The following UBE2U variants were observed in gnomAD, a reference collection of about 807,000 sequenced individuals.
The protein encoded by UBE2U is ubiquitin-conjugating enzyme E2 U.
In UBE2U, 39 loss-of-function variants were observed where a neutral mutation model predicts 41.2. The observed-to-expected ratio is 0.95, with a 90% confidence interval of 0.73 to 1.24. The LOEUF (loss-of-function observed/expected upper bound fraction) is 1.24, where lower values mean the gene tolerates loss of function less well. UBE2U is among the 50% of genes most tolerant of loss of function. The probability of loss-of-function intolerance (pLI) is 0.00; values close to 1 mark genes in which losing one functional copy is unlikely to be tolerated. For synonymous variants in UBE2U, 107 were observed against 117.8 expected (o/e 0.91, Z 0.60); for missense variants, 336 against 363.1 (o/e 0.93, Z 0.61).
At chr1:64,239,170 AAGAAGAAGAAGAAG>A (rs1644778403) in intron 7 of UBE2U, among the ~76,000 whole-genome samples, 2 of 91,900 alleles carry the variant, frequency 2.2e-5, no homozygotes, top group South Asian at 8.6e-4. Flanking sequence ...GAAGAAGAAG[AAGAAGAAGAAGAAG>A]AAGAAGAAAG....
At chr1:64,211,980 C>T (rs1651692396) in intron 4 of UBE2U, among the ~76,000 whole-genome samples, 1 of 152,046 alleles carries the variant, frequency 6.6e-6, no homozygotes, top group Non-Finnish European at 1.5e-5. Context: ...ATATAAATTG[C>T]ATTTCTTCTA....
intron 8 of UBE2U, among the ~76,000 whole-genome samples, chr1:64,259,163 G>A (rs746014090): frequency 5.3e-5 from 8 of 152,188 alleles, no homozygotes; most frequent in South Asian, 2.1e-4. Flanking sequence ...ACTTTTTGAC[G>A]GGGTTGTTTG....
At chr1:64,234,394 T>G (rs1489464841) in intron 7 of UBE2U, among the ~76,000 whole-genome samples, 3 of 152,226 alleles carry the variant, frequency 2.0e-5, no homozygotes, top group Non-Finnish European at 4.4e-5. Context: ...ACATTATGAA[T>G]GCTTCCACTC....
rs559493652 is a variant in UBE2U at position 64,228,416 on chromosome 1, T to C, written c.507-4145T>C. Among the ~76,000 whole-genome samples the C allele has an allele frequency of 8.5e-5, 13 of 152,266 alleles. No homozygotes were observed. In the South Asian group the frequency reaches 2.7e-3, roughly 32 times the overall value. On this transcript the variant is annotated intron_variant, in intron 6 of 9. Coordinates refer to ENST00000371077, the MANE Select transcript of UBE2U (RefSeq NM_001366232.2). ...AAATATTTTTACTGGACCCAAACTT[T>C]GATGAGTAAGAGTTTGACAGGCACA...
intron 6 of UBE2U, among the ~76,000 whole-genome samples, chr1:64,223,809 G>A (rs1480269823): frequency 6.6e-6 from 1 of 152,136 alleles, no homozygotes; most frequent in Non-Finnish European, 1.5e-5. Context: ...GCAGAATGGG[G>A]ATTCACTGAT....
chr1:64,253,998 T>C (rs561605472), intron 8 of UBE2U, among the ~76,000 whole-genome samples: 14 of 152,296 alleles, frequency 9.2e-5, no homozygotes, highest in Admixed American at 2.6e-4. Context: ...GACCCATTGG[T>C]ATGCTGTCTT....
intron 6 of UBE2U, 101 bp downstream of exon 6, chr1:64,221,008 T>C: frequency 1.3e-6 from 1 of 760,512 alleles, no homozygotes; most frequent in Non-Finnish European, 2.1e-6. Context: ...TTGTTTTTAA[T>C]TTAGAAACAT....
Position 64,241,638 on chromosome 1 carries a change from T to C in UBE2U, c.596-14T>C. ...ATGTATGTATAGCTTCTTTTTTTAA[T>C]ATTCTAATTTCAGTGCTCAAAGTTC... On this transcript the variant is annotated splice_polypyrimidine_tract_variant and intron_variant, in intron 7 of 9. Transcript: ENST00000371077. The C allele has an allele frequency of 6.4e-7, 1 of 1,573,488 alleles. No homozygotes were observed. The highest frequency in any genetic ancestry group is 8.7e-7 in the Non-Finnish European group (1 of 1,154,924).
chr1:64,228,495 T>C (rs1420021528), intron 6 of UBE2U, among the ~76,000 whole-genome samples: 1 of 152,008 alleles, frequency 6.6e-6, no homozygotes, highest in African/African-American at 2.4e-5. Flanking sequence ...TGTAATACCA[T>C]GGTGTGCTTG....
chr1:64,233,521 C>T (rs1363290127), intron 7 of UBE2U, among the ~76,000 whole-genome samples: 1 of 152,202 alleles, frequency 6.6e-6, no homozygotes, highest in Non-Finnish European at 1.5e-5. Flanking sequence ...GTTTACTTTA[C>T]TTCCTTTACC....
rs1196952735 is a variant in UBE2U at position 64,239,120 on chromosome 1, GAA to G, written c.596-2531_596-2530del. Among the ~76,000 whole-genome samples the G allele has an allele frequency of 0.02, 346 of 17,226 alleles. 1 individual carries two copies. In the East Asian group the frequency reaches 0.2, roughly 10 times the overall value. 11.3% of individuals were successfully genotyped at this position (17,226 alleles called of 152,430 possible). Reference sequence around the variant, plus strand: ...AGAAGAAGAAGAAGAAGAAGAAGAAGAAGAAGAAGAAGAAGAAGAAGAAGAAG... The same window carrying G: ...AGAAGAAGAAGAAGAAGAAGAAGAAGGAAGAAGAAGAAGAAGAAGAAGAAG... On this transcript the variant is annotated intron_variant, in intron 7 of 9. Coordinates refer to ENST00000371077, the MANE Select transcript of UBE2U (RefSeq NM_001366232.2).
intron 4 of UBE2U, among the ~76,000 whole-genome samples, chr1:64,211,426 T>G (rs867035236): frequency 1.1e-4 from 17 of 152,084 alleles, no homozygotes; most frequent in Non-Finnish European, 2.2e-4. Context: ...CTCAGTGTTG[T>G]GCTATTTCTT....
intron 3 of UBE2U, among the ~76,000 whole-genome samples, chr1:64,207,190 G>A (rs1368618557): frequency 1.3e-5 from 2 of 151,734 alleles, no homozygotes; most frequent in South Asian, 2.1e-4. Flanking sequence ...TCTCTCTGTC[G>A]CCCAGGCTGG....
At chr1:64,233,125 A>G (rs1644601720) in intron 7 of UBE2U, among the ~76,000 whole-genome samples, 1 of 151,686 alleles carries the variant, frequency 6.6e-6, no homozygotes, top group Admixed American at 6.6e-5. Flanking sequence ...CTCCTGCCTC[A>G]GCCTCTCGAG....
chr1:64,251,734 C>G (rs886285589), intron 8 of UBE2U, among the ~76,000 whole-genome samples: 2 of 152,134 alleles, frequency 1.3e-5, no homozygotes, highest in African/African-American at 4.8e-5. Context: ...CCTCATGAGC[C>G]CCTGCTACCA....
chr1:64,264,798 A>T (rs1645230415), intron 9 of UBE2U, among the ~76,000 whole-genome samples: 1 of 152,122 alleles, frequency 6.6e-6, no homozygotes, highest in Admixed American at 6.5e-5. Context: ...ACTAAAAAAA[A>T]AATTAGCTGG....
chr1:64,250,614 A>T (rs12727550), intron 8 of UBE2U, among the ~76,000 whole-genome samples: 1 of 151,942 alleles, frequency 6.6e-6, no homozygotes, highest in Non-Finnish European at 1.5e-5. Context: ...ACATGCACAC[A>T]TATGTTTAGT....
intron 7 of UBE2U, among the ~76,000 whole-genome samples, chr1:64,239,157 A>AAAGAAGAAGAAGAAGAAG (rs149062313): frequency 4.3e-4 from 16 of 37,036 alleles, no homozygotes; most frequent in Admixed American, 3.2e-3. Context: ...GAAGAAGAAG[A>AAAGAAGAAGAAGAAGAAG]AAGAAGAAGA....
chr1:64,218,886 C>T (rs1347580263), intron 5 of UBE2U, among the ~76,000 whole-genome samples: 2 of 152,164 alleles, frequency 1.3e-5, no homozygotes, highest in Non-Finnish European at 2.9e-5. Flanking sequence ...AAAACAGCTA[C>T]TAGGTATTCA....
Sources: gnomAD v4.1 joint callset for allele counts (sites outside exome capture counted in the v4.1 genomes callset) on GRCh38, gnomAD v4.1.1 for gene constraint, MANE v1.5 for transcripts, NCBI Gene and HGNC (gene_info 2026-07-23, HGNC 2026-07-21) for gene names.